The following ABCA12 variants were observed in gnomAD, a reference collection of about 807,000 sequenced individuals.
ABCA12 encodes the protein glucosylceramide transporter ABCA12.
In ABCA12, 156 loss-of-function variants were observed where a neutral mutation model predicts 293.5. That is an observed-to-expected ratio of 0.53 (90% CI 0.47 to 0.61). The LOEUF (loss-of-function observed/expected upper bound fraction) is 0.61. Among genes scored for constraint, ABCA12 ranks in the 20% least tolerant of loss-of-function variants. ABCA12 has a pLI of 0.00. For missense variants in ABCA12, 2,797 were observed against 3,090.2 expected, an observed-to-expected ratio of 0.91 and a Z score of 2.25; for synonymous variants, 1,063 against 1,108.0, an observed-to-expected ratio of 0.96 and a Z score of 0.81.
At chr2:215,132,019 T>C (rs1390621999) in intron 1 of ABCA12, among the ~76,000 whole-genome samples, 1 of 152,026 alleles carries the variant, frequency 6.6e-6, no homozygotes, top group Non-Finnish European at 1.5e-5. Flanking sequence ...AGAAAGTTGT[T>C]TAGTTTCCAT....
chr2:214,991,903 G>A (rs993623778), intron 23 of ABCA12, among the ~76,000 whole-genome samples: 6 of 152,088 alleles, frequency 3.9e-5, no homozygotes, highest in African/African-American at 1.4e-4. Flanking sequence ...GGAAGGGGAG[G>A]TATAGCATTA....
chr2:214,940,991 C>A (rs1289543714), intron 50 of ABCA12, among the ~76,000 whole-genome samples: 2 of 152,008 alleles, frequency 1.3e-5, no homozygotes, highest in African/African-American at 4.8e-5. Context: ...TTAGTCATTT[C>A]TTGTATTCTG....
At chr2:215,057,711 G>A (rs960658720) in intron 3 of ABCA12, among the ~76,000 whole-genome samples, 4 of 152,072 alleles carry the variant, frequency 2.6e-5, no homozygotes, top group African/African-American at 9.7e-5. Context: ...ATAGTAGGAT[G>A]TTTAGCACAT....
At chr2:215,011,411 T>C (rs1476225437) in intron 17 of ABCA12, 28 bp downstream of exon 17, 2 of 1,527,060 alleles carry the variant, frequency 1.3e-6, no homozygotes, top group Non-Finnish European at 1.8e-6. Flanking sequence ...TAAGGGCAAC[T>C]GTCATGCTTA....
intron 2 of ABCA12, among the ~76,000 whole-genome samples, chr2:215,102,642 C>G (rs999938668): frequency 5.3e-5 from 8 of 152,266 alleles, no homozygotes; most frequent in Non-Finnish European, 8.8e-5. Flanking sequence ...TTGGACCAAA[C>G]AGCCTTATCT....
At position 215,025,924 on chromosome 2, in the gene ABCA12, AT is replaced by A. The variant is rs546902974; in HGVS notation, c.1181-146del. 224 of 621,240 alleles carry A rather than the reference AT, an allele frequency of 3.6e-4. 1 individual carries two copies. The South Asian group carries it at 4.0e-3, about 11-fold the overall frequency. The allele number at this position is 621,240 out of a possible 1,614,324, so 38.5% of individuals were successfully genotyped here. A position where few individuals can be genotyped will look rare whatever the true frequency, so the allele number is the denominator to read the frequency against. ...CAATACAAACATAAGATGAATGAAA[AT>A]TTAACCTTTATTTGAACCATGGGGA... On this transcript the variant is annotated intron_variant, in intron 10 of 52. Coordinates refer to ENST00000272895, the MANE Select transcript of ABCA12 (RefSeq NM_173076.3).
At chr2:214,942,863 G>C (rs1333857989) in intron 50 of ABCA12, 62 bp downstream of exon 50, 2 of 1,415,522 alleles carry the variant, frequency 1.4e-6, no homozygotes, top group African/African-American at 2.8e-5. Context: ...CCTTGAATCT[G>C]AGTGAGCACC....
Position 214,959,058 on chromosome 2 carries a change from G to C in ABCA12, c.5905C>G (p.Pro1969Ala). 6.2e-7 allele frequency: 1 copy of C among 1,613,868 alleles called. No individual in the cohort carries two copies. The highest frequency in any genetic ancestry group is 8.5e-7 in the Non-Finnish European group (1 of 1,179,774). The change falls in exon 40 of 53, where the codon CCT becomes GCT. Residue 1969 changes from proline to alanine, a missense_variant. Physicochemically the swap from Pro to Ala is conservative, Grantham distance 27. This residue lies in a region of ABCA12 where 2,130 missense variants were observed against 2,427.0 expected (regional missense o/e 0.88). Transcript: ENST00000272895. ...ARHGIIMYSH[P>A]YPGVQDQEQA... Reference sequence around the variant, plus strand: ...TCTTGGTCTTGCACTCCTGGATAAGGATGGCTATACATGATGATGCCTTAA... The same window carrying C: ...TCTTGGTCTTGCACTCCTGGATAAGCATGGCTATACATGATGATGCCTTAA...
chr2:215,019,386 A>G lies in ABCA12; in HGVS notation c.1607T>C (p.Ile536Thr), dbSNP rs535683489. The change falls in exon 13 of 53, where the codon ATA becomes ACA. Residue 536 changes from isoleucine to threonine, a missense_variant. Transcript: ENST00000272895. ...GTTATTGACATGCAGCATGGCTTCT[A>G]TGATCGGTATTAACTGAGTGATATT... ...LENITQLIPI[I>T]EAMLHVNNSA... is the part of the protein sequence containing the mutation. 2.9e-5 allele frequency: 46 copies of G among 1,613,362 alleles called. No individual in the cohort carries two copies. The African/African-American group carries it at 3.3e-4, about 12-fold the overall frequency.
chr2:215,090,144 G>C (rs1195681356), intron 2 of ABCA12, among the ~76,000 whole-genome samples: 3 of 152,122 alleles, frequency 2.0e-5, no homozygotes, highest in Non-Finnish European at 4.4e-5. Flanking sequence ...CCCTTTGACT[G>C]TAATTTTCCA....
intron 3 of ABCA12, among the ~76,000 whole-genome samples, chr2:215,055,244 A>G (rs1701396799): frequency 6.6e-6 from 1 of 152,060 alleles, no homozygotes; most frequent in South Asian, 2.1e-4. Context: ...TAAATTTTCC[A>G]TTGCATTGAA....
intron 10 of ABCA12, 71 bp downstream of exon 10, chr2:215,026,749 T>C: frequency 7.5e-7 from 1 of 1,331,102 alleles, no homozygotes. Flanking sequence ...AGCAAATGCC[T>C]CAAAAACTCA....
chr2:215,085,464 A>G (rs1420277601), intron 2 of ABCA12: 2 of 152,194 alleles, frequency 1.3e-5, no homozygotes, highest in African/African-American at 4.8e-5. Context: ...CATCTACCTC[A>G]GAGTAATATT....
At chr2:214,992,601 CCTGTAATCCCAG>C (rs1364061131) in intron 23 of ABCA12, among the ~76,000 whole-genome samples, 1 of 144,332 alleles carries the variant, frequency 6.9e-6, no homozygotes, top group East Asian at 2.1e-4. Context: ...GTGACTCACA[CCTGTAATCCCAG>C]CTGTTTGGGA....
rs1251116443 is a variant in ABCA12, at chr2:215,011,500, A to G, written c.2271T>C (p.Phe757=). The change falls in exon 17 of 53, where the codon TTT becomes TTC. Residue 757 remains phenylalanine, a synonymous_variant. Transcript: ENST00000272895. The stretch of plus-strand genomic sequence containing the variant: ...GCTCTTTAGTTAATTTATAAGTCAA[A>G]AAATCCTTGGTGTGGTTGCCTTTTG... The part of the protein sequence containing the change: ...QRPKGNHTKD[F]LTYKLTKEQI... 1.9e-6 allele frequency: 3 copies of G among 1,614,044 alleles called. No homozygotes were observed. Among genetic ancestry groups the G allele is most frequent in the Non-Finnish European group, 2.5e-6 (3 of 1,179,906 alleles).
intron 2 of ABCA12, among the ~76,000 whole-genome samples, chr2:215,102,040 T>C (rs572903106): frequency 2.7e-4 from 41 of 152,160 alleles, no homozygotes; most frequent in African/African-American, 8.9e-4. Context: ...TGTGTGTGTG[T>C]GTGTGTGCCT....
chr2:215,133,300 T>C (rs573607265), intron 1 of ABCA12, among the ~76,000 whole-genome samples: 95 of 151,726 alleles, frequency 6.3e-4, no homozygotes, highest in African/African-American at 2.0e-3. Flanking sequence ...TATCTGGATG[T>C]CTACCATTCA....
chr2:215,084,065 C>T (rs1005978316), intron 2 of ABCA12, among the ~76,000 whole-genome samples: 1 of 152,118 alleles, frequency 6.6e-6, no homozygotes, highest in African/African-American at 2.4e-5. Context: ...GCAGCCCCGA[C>T]CTCCTGGGAT....
Position 214,931,850 on chromosome 2 carries a change from A to G in ABCA12, c.*784T>C, listed in dbSNP as rs539470827. On this transcript the variant is annotated 3_prime_UTR_variant, in exon 53 of 53. Coordinates refer to ENST00000272895, the MANE Select transcript of ABCA12 (RefSeq NM_173076.3). ...AAAAAATGTTGCCTGCCAGTAGCACATGGATTCTCTTTTCAGGGTTTGTAT... is the reference window on the plus strand; with the variant it reads ...AAAAAATGTTGCCTGCCAGTAGCACGTGGATTCTCTTTTCAGGGTTTGTAT... The G allele has an allele frequency of 6.6e-6, 1 of 152,372 alleles. No individual in the cohort carries two copies. The highest frequency in any genetic ancestry group is 1.9e-4 in the East Asian group (1 of 5,168). The allele number at this position is 152,372 out of a possible 1,614,324, so 9.4% of individuals were successfully genotyped here. A position where few individuals can be genotyped will look rare whatever the true frequency, so the allele number is the denominator to read the frequency against.
Sources: allele counts gnomAD v4.1 joint callset (sites outside exome capture counted in the v4.1 genomes callset), GRCh38; gene constraint gnomAD v4.1.1; regional missense constraint gnomAD v4.1.1; transcripts MANE v1.5; gene names NCBI Gene and HGNC (gene_info 2026-07-23, HGNC 2026-07-21).